Variants in ARIH2 observed in about 807,000 individuals in gnomAD.
ARIH2 encodes ariadne RBR E3 ubiquitin protein ligase 2, also known as E3 ubiquitin-protein ligase ARIH2.
ARIH2 carries 12 observed loss-of-function variants against 79.8 expected under a neutral mutation model. That is an observed-to-expected ratio of 0.15 (90% CI 0.10 to 0.24). The LOEUF (loss-of-function observed/expected upper bound fraction) is 0.24, where lower values mean the gene tolerates loss of function less well. Ranked by LOEUF, ARIH2 falls within the 10% of genes least tolerant of loss-of-function variation. ARIH2 has a pLI of 1.00. For missense variants in ARIH2, 301 were observed against 618.3 expected (o/e 0.49, Z 5.44); for synonymous variants, 224 against 213.9 (o/e 1.05, Z -0.41).
chr3:48,942,297 C>T (rs1044204894), intron 3 of ARIH2, among the ~76,000 whole-genome samples: 17 of 151,992 alleles, frequency 1.1e-4, no homozygotes, highest in Admixed American at 8.5e-4. Flanking sequence ...GAGATCTGCC[C>T]GCTTCAGCCT....
chr3:48,967,071 A>C, intron 5 of ARIH2, 54 bp from the exon 6 acceptor site: 9 of 1,587,890 alleles, frequency 5.7e-6, no homozygotes, highest in Non-Finnish European at 7.7e-6. Flanking sequence ...AGGTACCCTT[A>C]TGGCCTTCTG....
At chr3:48,948,527 A>T (rs370837319) in intron 3 of ARIH2, among the ~76,000 whole-genome samples, 1 of 151,562 alleles carries the variant, frequency 6.6e-6, no homozygotes, top group African/African-American at 2.4e-5. Flanking sequence ...ACCTCAGGTG[A>T]TCCGCCCACC....
chr3:48,961,800 A>G lies in ARIH2; in HGVS notation c.323+121A>G, dbSNP rs2091292458. The G allele has an allele frequency of 4.8e-6, 3 of 625,072 alleles. No individual in the cohort carries two copies. The South Asian group carries it at 6.4e-5, about 13-fold the overall frequency. The allele number at this position is 625,072 out of a possible 1,614,324, so 38.7% of individuals were successfully genotyped here. ...AATGTGCATAGTATATTTTTAAAAC[A>G]TTGGATTCTATTTTACATCCTCTTC... On this transcript the variant is annotated intron_variant, in intron 4 of 15. Coordinates refer to ENST00000356401, the MANE Select transcript of ARIH2 (RefSeq NM_006321.4).
chr3:48,958,717 G>GAA (rs554194745), intron 3 of ARIH2, among the ~76,000 whole-genome samples: 2 of 149,652 alleles, frequency 1.3e-5, no homozygotes, highest in East Asian at 2.0e-4. Context: ...TCAAAAAAAA[G>GAA]AAAAAAAGGT....
chr3:48,933,235 GGTGTGTGTGTGTGTGTGTGTGTGT>G (rs57911300), intron 3 of ARIH2, among the ~76,000 whole-genome samples: 71 of 134,410 alleles, frequency 5.3e-4, no homozygotes, highest in East Asian at 2.4e-3. Context: ...CACATGCCCG[GGTGTGTGTGTGTGTGTGTGTGTGT>G]GTGTGTGTGT....
intron 3 of ARIH2, among the ~76,000 whole-genome samples, chr3:48,943,759 A>G (rs1445260225): frequency 6.6e-6 from 1 of 152,142 alleles, no homozygotes; most frequent in Non-Finnish European, 1.5e-5. Context: ...TTTCATTAAG[A>G]TGTGCTGGCC....
chr3:48,933,822 A>T (rs898406732), intron 3 of ARIH2, among the ~76,000 whole-genome samples: 1 of 151,946 alleles, frequency 6.6e-6, no homozygotes, highest in Non-Finnish European at 1.5e-5. Flanking sequence ...ACGTGCTGGG[A>T]TTACAGGTGT....
chr3:48,986,201 C>T lies in ARIH2; in HGVS notation c.*2931C>T, dbSNP rs1398505950. 6.6e-6 allele frequency: 1 copy of T among 152,218 alleles called. No individual in the cohort carries two copies. The highest frequency in any genetic ancestry group is 1.5e-5 in the Non-Finnish European group (1 of 68,048). The allele number at this position is 152,218 out of a possible 1,614,324, so 9.4% of individuals were successfully genotyped here. ...CAGTCTGAACTCCGCAGCTCTTCCT[C>T]TGGACCTCAGGTGTGCCAAGCCCCA... On this transcript the variant is annotated 3_prime_UTR_variant, in exon 16 of 16. Coordinates refer to ENST00000356401, the MANE Select transcript of ARIH2 (RefSeq NM_006321.4).
chr3:48,933,327 G>GTT (rs1409077794), intron 3 of ARIH2, among the ~76,000 whole-genome samples: 1 of 151,308 alleles, frequency 6.6e-6, no homozygotes, highest in Non-Finnish European at 1.5e-5. Context: ...GTGTGTGTGT[G>GTT]TGTGTGTGTG....
chr3:48,974,741 C>A, intron 9 of ARIH2, 76 bp from the exon 10 acceptor site: 1 of 1,502,782 alleles, frequency 6.7e-7, no homozygotes, highest in Non-Finnish European at 9.3e-7. Flanking sequence ...GGCACAGGTG[C>A]CAGGAGCTTT....
Position 48,927,637 on chromosome 3 carries a change from G to A in ARIH2, c.79G>A (p.Glu27Lys). ...CCCAAATTGTGAGGAAGAGGAAGAA[G>A]AAGAAGAAGACGACCCTGGGGACAT... ...YDPNCEEEEE[E>K]EEDDPGDIED... The change falls in exon 3 of 16, where the codon GAA becomes AAA. Residue 27 changes from glutamate (E) to lysine (K), a missense_variant. Around this residue, in one of 2 missense-constraint regions of ARIH2, gnomAD observed 223 missense variants for 349.4 expected, o/e 0.64. Transcript: ENST00000356401. 6.2e-7 allele frequency: 1 copy of A among 1,613,894 alleles called. No individual in the cohort carries two copies. The highest frequency in any genetic ancestry group is 8.5e-7 in the Non-Finnish European group (1 of 1,179,882).
chr3:48,959,019 T>A (rs867550300), intron 3 of ARIH2, among the ~76,000 whole-genome samples: 44 of 143,880 alleles, frequency 3.1e-4, no homozygotes, highest in Middle Eastern at 4.3e-3. Context: ...GTCTCAAAAA[T>A]AATAATAATA....
intron 3 of ARIH2, among the ~76,000 whole-genome samples, chr3:48,941,234 G>C (rs577865732): frequency 1.3e-5 from 2 of 151,982 alleles, no homozygotes; most frequent in East Asian, 3.9e-4. Context: ...GGCCCAAAGG[G>C]TTATTGACAT....
intron 14 of ARIH2, 136 bp from the exon 15 acceptor site, chr3:48,982,760 C>A: frequency 3.0e-6 from 2 of 675,142 alleles, no homozygotes; most frequent in Non-Finnish European, 2.7e-6. Flanking sequence ...GGGAATAACA[C>A]TACTTTCTGA....
At chr3:48,981,789 G>C in intron 14 of ARIH2, 61 bp downstream of exon 14, 1 of 1,385,372 alleles carries the variant, frequency 7.2e-7, no homozygotes, top group Non-Finnish European at 1.0e-6. Flanking sequence ...TTCTCTACCA[G>C]CACTTTGCAG....
chr3:48,928,088 A>G, intron 3 of ARIH2: 1 of 425,530 alleles, frequency 2.4e-6, no homozygotes, highest in African/African-American at 2.0e-5. Context: ...GTGTAGTAGC[A>G]GAATTGCACA....
At chr3:48,942,612 G>A (rs2088475134) in intron 3 of ARIH2, among the ~76,000 whole-genome samples, 1 of 150,588 alleles carries the variant, frequency 6.6e-6, no homozygotes, top group Non-Finnish European at 1.5e-5. Flanking sequence ...CTGAGTAGGT[G>A]GGATTACAGG....
At chr3:48,948,742 ATCT>A (rs2107353020) in intron 3 of ARIH2, among the ~76,000 whole-genome samples, 1 of 152,338 alleles carries the variant, frequency 6.6e-6, no homozygotes, top group Admixed American at 6.5e-5. Context: ...GTGACTACTG[ATCT>A]TCTGTCTCAG....
intron 3 of ARIH2, among the ~76,000 whole-genome samples, chr3:48,961,230 G>A (rs1368963901): frequency 2.0e-5 from 3 of 152,174 alleles, no homozygotes; most frequent in South Asian, 2.1e-4. Flanking sequence ...CCTAACTAGA[G>A]ATGTGCTTCC....
Sources: allele counts gnomAD v4.1 joint callset (sites outside exome capture counted in the v4.1 genomes callset), GRCh38; gene constraint gnomAD v4.1.1; regional missense constraint gnomAD v4.1.1; transcripts MANE v1.5; gene names NCBI Gene and HGNC (gene_info 2026-07-23, HGNC 2026-07-21).